Variants in KCNQ1 observed in about 807,000 individuals in gnomAD.
KCNQ1 encodes the protein potassium voltage-gated channel subfamily KQT member 1.
A neutral mutation model predicts 72.4 loss-of-function variants in KCNQ1; 49 were observed. The observed-to-expected ratio is 0.68, with a 90% CI of 0.54 to 0.86. The LOEUF (loss-of-function observed/expected upper bound fraction) is 0.86. Among genes scored for constraint, KCNQ1 ranks in the 40% least tolerant of loss-of-function variants. The probability of loss-of-function intolerance (pLI) is 0.00; values close to 1 mark genes in which losing one functional copy is unlikely to be tolerated. For synonymous variants in KCNQ1, 450 were observed against 412.6 expected, an observed-to-expected ratio of 1.09 and a Z score of -1.10; for missense variants, 790 against 945.1, an observed-to-expected ratio of 0.84 and a Z score of 2.15.
Position 2,803,937 on chromosome 11 carries a change from C to T in KCNQ1, c.1794+25900C>T, listed in dbSNP as rs908060050. Among the ~76,000 whole-genome samples, 3 of 152,218 alleles carry T rather than the reference C, an allele frequency of 2.0e-5. No homozygotes were observed. Among genetic ancestry groups the T allele is most frequent in the African/African-American group, 7.2e-5 (3 of 41,444 alleles). On this transcript the variant is annotated intron_variant, in intron 15 of 15. Coordinates refer to ENST00000155840, the MANE Select transcript of KCNQ1 (RefSeq NM_000218.3). The surrounding 1 kb of genome is among the most constrained non-coding windows in gnomAD (Gnocchi z 6.4). The stretch of plus-strand genomic sequence containing the variant: ...CCTGCTCCAGCCACCTGGCAGATCC[C>T]ACTCGGCTCACACAGAGCCTTGGCC...
chr11:2,576,260 C>T (rs1010448398), intron 6 of KCNQ1, among the ~76,000 whole-genome samples: 9 of 152,178 alleles, frequency 5.9e-5, no homozygotes, highest in African/African-American at 7.2e-5. Flanking sequence ...GCGAAGGCGC[C>T]GGCTCAGTGG....
In KCNQ1 at chr11:2,715,411, C is replaced by T. The variant is rs1564868933; in HGVS notation, c.1514+53330C>T. ...AGGGGGCTTTGCAGATTACCCAGAC[C>T]CTTTGTTGGCCAGTGTGGGAATGGG... On this transcript the variant is annotated intron_variant, in intron 11 of 15. Coordinates refer to ENST00000155840, the MANE Select transcript of KCNQ1 (RefSeq NM_000218.3). This position sits in a 1 kb window ranked among gnomAD's most constrained non-coding sequence, Gnocchi z 4.9. Among the ~76,000 whole-genome samples, 1 of 152,054 alleles carries T rather than the reference C, an allele frequency of 6.6e-6. No individual in the cohort carries two copies. Among genetic ancestry groups the T allele is most frequent in the Non-Finnish European group, 1.5e-5 (1 of 67,982 alleles).
chr11:2,632,071 T>A (rs766163806), intron 10 of KCNQ1: 16 of 394,686 alleles, frequency 4.1e-5, no homozygotes, highest in African/African-American at 1.0e-4. Flanking sequence ...TAGTCCCAGC[T>A]ACTTGGGAGG....
intron 15 of KCNQ1, among the ~76,000 whole-genome samples, chr11:2,789,374 C>T (rs555136841): frequency 7.9e-5 from 12 of 152,286 alleles, no homozygotes; most frequent in Non-Finnish European, 2.9e-5. Context: ...GCACCAGGGT[C>T]GGGCTTTGCA....
rs1198781701 is a variant in KCNQ1 at position 2,764,643 on chromosome 11, T to G, written c.1515-4201T>G. ...GTGATGTCGTCTAGATACAGAGTTT[T>G]CTTTGCCAGAAGATCATTAAAATTC... is the stretch of plus-strand genomic sequence containing the variant. On this transcript the variant is annotated intron_variant, in intron 11 of 15. Transcript: ENST00000155840. The surrounding 1 kb of genome is among the most constrained non-coding windows in gnomAD (Gnocchi z 4.8). Among the ~76,000 whole-genome samples the G allele has an allele frequency of 2.0e-5, 3 of 152,236 alleles. No individual in the cohort carries two copies. Among genetic ancestry groups the G allele is most frequent in the African/African-American group, 7.2e-5 (3 of 41,472 alleles).
Position 2,830,521 on chromosome 11 carries a change from C to T in KCNQ1, c.1795-17246C>T, listed in dbSNP as rs915429736. On this transcript the variant is annotated intron_variant, in intron 15 of 15. Transcript: ENST00000155840. The surrounding 1 kb of genome is among the most constrained non-coding windows in gnomAD (Gnocchi z 7.7). Reference sequence around the variant, plus strand: ...ACCCCAGTCCCAGTGTCCCAAGAACCTCTTCCTCCAGCCCCGGGAGCAGGA... The same window carrying T: ...ACCCCAGTCCCAGTGTCCCAAGAACTTCTTCCTCCAGCCCCGGGAGCAGGA... Among the ~76,000 whole-genome samples the T allele has an allele frequency of 6.6e-6, 1 of 152,160 alleles. No individual in the cohort carries two copies. The highest frequency in any genetic ancestry group is 2.4e-5 in the African/African-American group (1 of 41,444).
At position 2,723,781 on chromosome 11, in the gene KCNQ1, G is replaced by A. The variant is rs1018886160; in HGVS notation, c.1515-45063G>A. Among the ~76,000 whole-genome samples the A allele has an allele frequency of 3.3e-5, 5 of 152,132 alleles. No individual in the cohort carries two copies. Among genetic ancestry groups the A allele is most frequent in the African/African-American group, 1.2e-4 (5 of 41,408 alleles). ...CCTCACTAACCGCTGGTGGCCGCAGGGTTCCCAGCCACTCGGTGCACATGT... is the reference window on the plus strand; with the variant it reads ...CCTCACTAACCGCTGGTGGCCGCAGAGTTCCCAGCCACTCGGTGCACATGT... On this transcript the variant is annotated intron_variant, in intron 11 of 15. Coordinates refer to ENST00000155840, the MANE Select transcript of KCNQ1 (RefSeq NM_000218.3). This position sits in a 1 kb window ranked among gnomAD's most constrained non-coding sequence, Gnocchi z 4.2.
chr11:2,657,371 C>A lies in KCNQ1; in HGVS notation c.1394-4590C>A. 1 of 398,570 alleles carries A rather than the reference C, an allele frequency of 2.5e-6. No individual in the cohort carries two copies. Among genetic ancestry groups the A allele is most frequent in the Non-Finnish European group, 4.4e-6 (1 of 226,048 alleles). The allele number at this position is 398,570 out of a possible 1,614,324, so 24.7% of individuals were successfully genotyped here. A position where few individuals can be genotyped will look rare whatever the true frequency, so the allele number is the denominator to read the frequency against. On this transcript the variant is annotated intron_variant, in intron 10 of 15. Transcript: ENST00000155840. The surrounding 1 kb of genome is among the most constrained non-coding windows in gnomAD (Gnocchi z 4.8). The stretch of plus-strand genomic sequence containing the variant: ...AGGCATATTTCTCCATTTATATCTT[C>A]TTCATTGTCTCTTACTAAAGTTTTA...
intron 11 of KCNQ1, among the ~76,000 whole-genome samples, chr11:2,731,376 T>G (rs1000213526): frequency 2.0e-5 from 3 of 152,178 alleles, no homozygotes; most frequent in Non-Finnish European, 4.4e-5. Flanking sequence ...AATTCAGGCC[T>G]TGGTGAGTCT....
Position 2,809,652 on chromosome 11 carries a change from C to CTAGGGAAG in KCNQ1, c.1794+31615_1794+31616insTAGGGAAG, listed in dbSNP as rs1847447894. On this transcript the variant is annotated intron_variant, in intron 15 of 15. Transcript: ENST00000155840. The surrounding 1 kb of genome is among the most constrained non-coding windows in gnomAD (Gnocchi z 7.1). ...CCTCGGTCGCTGACTCCAGAGGGCCCCACGGCTCATGCCTGCTTCCCTGCT... is the reference window on the plus strand; with the variant it reads ...CCTCGGTCGCTGACTCCAGAGGGCCCTAGGGAAGCACGGCTCATGCCTGCTTCCCTGCT... Among the ~76,000 whole-genome samples the CTAGGGAAG allele has an allele frequency of 1.3e-5, 2 of 152,254 alleles. No individual in the cohort carries two copies. The highest frequency in any genetic ancestry group is 3.9e-4 in the East Asian group (2 of 5,176).
chr11:2,819,623 TA>T (rs1204382090), intron 15 of KCNQ1, among the ~76,000 whole-genome samples: 23 of 152,338 alleles, frequency 1.5e-4, no homozygotes, highest in Non-Finnish European at 2.4e-4. Context: ...CTTGAGCAGT[TA>T]TGGTGCCTGG....
rs6578271 is a variant in KCNQ1 at position 2,543,512 on chromosome 11, G to T, written c.477+15494G>T. Among the ~76,000 whole-genome samples the T allele has an allele frequency of 2.6e-5, 4 of 151,984 alleles. No individual in the cohort carries two copies. The highest frequency in any genetic ancestry group is 2.0e-4 in the Admixed American group (3 of 15,260). ...TGGTGTCAAACTCCTGGCCTCAAGC[G>T]ATCCCCTTGCCTCGGCCTCCCAAAG... On this transcript the variant is annotated intron_variant, in intron 2 of 15. Transcript: ENST00000155840. The surrounding 1 kb of genome is among the most constrained non-coding windows in gnomAD (Gnocchi z 5.6).
chr11:2,545,111 G>T (rs1047001407), intron 2 of KCNQ1, among the ~76,000 whole-genome samples: 5 of 152,134 alleles, frequency 3.3e-5, no homozygotes, highest in African/African-American at 9.7e-5. Context: ...ATTTTCACAG[G>T]TTCTGTATTC....
At chr11:2,644,314 C>G (rs1439075664) in intron 10 of KCNQ1, 1 of 398,302 alleles carries the variant, frequency 2.5e-6, no homozygotes, top group Non-Finnish European at 4.4e-6. Flanking sequence ...TTTCAAAAGA[C>G]TTATCTTCAA....
At chr11:2,744,116 A>G (rs140704295) in intron 11 of KCNQ1, among the ~76,000 whole-genome samples, 22 of 152,270 alleles carry the variant, frequency 1.4e-4, no homozygotes, top group African/African-American at 5.3e-4. Context: ...GCATTCTGAA[A>G]ATCAATGTTT....
At chr11:2,631,472 T>A in intron 10 of KCNQ1, 1 of 396,900 alleles carries the variant, frequency 2.5e-6, no homozygotes, top group East Asian at 3.6e-5. Context: ...TCTCCTTTTG[T>A]GTATTAATGA....
chr11:2,718,844 G>GCAT, intron 11 of KCNQ1, among the ~76,000 whole-genome samples: 1 of 152,350 alleles, frequency 6.6e-6, no homozygotes, highest in Admixed American at 6.5e-5. Flanking sequence ...GGCTAGGCAG[G>GCAT]CATCCCGGGT....
chr11:2,523,952 C>G (rs1462629555), intron 1 of KCNQ1, among the ~76,000 whole-genome samples: 5 of 151,842 alleles, frequency 3.3e-5, no homozygotes, highest in Admixed American at 3.3e-4. Flanking sequence ...GTGCATGACT[C>G]GCAGACATGG....
At position 2,724,694 on chromosome 11, in the gene KCNQ1, C is replaced by T. The variant is rs1478332090; in HGVS notation, c.1515-44150C>T. Among the ~76,000 whole-genome samples, 1 of 152,208 alleles carries T rather than the reference C, an allele frequency of 6.6e-6. No individual in the cohort carries two copies. On this transcript the variant is annotated intron_variant, in intron 11 of 15. Coordinates refer to ENST00000155840, the MANE Select transcript of KCNQ1 (RefSeq NM_000218.3). The surrounding 1 kb of genome is among the most constrained non-coding windows in gnomAD (Gnocchi z 6.8). ...GAGGCGACACTGTGATTGTCCTGGG[C>T]TCACAGAGGAGGACGTGGGGACCTG... is the stretch of plus-strand genomic sequence containing the variant.
Sources: allele counts gnomAD v4.1 joint callset (sites outside exome capture counted in the v4.1 genomes callset), GRCh38; gene constraint gnomAD v4.1.1; non-coding constraint Gnocchi (gnomAD v3.1); transcripts MANE v1.5; gene names NCBI Gene and HGNC (gene_info 2026-07-23, HGNC 2026-07-21).